The following CPT1A variants were observed in gnomAD, a reference collection of about 807,000 sequenced individuals.
The protein encoded by CPT1A is carnitine palmitoyltransferase 1A.
CPT1A carries 64 observed loss-of-function variants against 100.8 expected under a neutral mutation model. The ratio of observed to expected loss-of-function variants is 0.63; its 90% CI spans 0.52 to 0.78. CPT1A has a LOEUF of 0.78. CPT1A is among the 30% of genes least tolerant of loss of function. The pLI, the probability that CPT1A is intolerant of heterozygous loss-of-function variation, is 0.00. For synonymous variants in CPT1A, 363 were observed against 396.0 expected (o/e 0.92, Z 0.99); for missense variants, 802 against 1,034.1 (o/e 0.78, Z 3.08).
intron 12 of CPT1A, among the ~76,000 whole-genome samples, chr11:68,780,372 T>A (rs1322918591): frequency 6.6e-6 from 1 of 152,206 alleles, no homozygotes; most frequent in Non-Finnish European, 1.5e-5. Context: ...AACCTCTGTC[T>A]CCCGGGTTCA....
In CPT1A at chr11:68,760,871, A is replaced by G. The variant is rs551920197; in HGVS notation, c.2029-533T>C. Among the ~76,000 whole-genome samples, 30 of 149,930 alleles carry G rather than the reference A, an allele frequency of 2.0e-4. No individual in the cohort carries two copies. In the South Asian group the frequency reaches 6.0e-3, roughly 30 times the overall value. ...CTACTAAAATACAACAACAAAAAAA[A>G]TTAGCCAGGCATGGCAGCGTGTGCC... is the stretch of plus-strand genomic sequence containing the variant. On this transcript the variant is annotated intron_variant, in intron 16 of 18. Coordinates refer to ENST00000265641, the MANE Select transcript of CPT1A (RefSeq NM_001876.4).
intron 1 of CPT1A, among the ~76,000 whole-genome samples, chr11:68,827,228 G>A (rs778290199): frequency 3.9e-5 from 6 of 152,112 alleles, no homozygotes; most frequent in African/African-American, 7.2e-5. Context: ...AGCTACTTGG[G>A]AGGCTGAAGG....
intron 1 of CPT1A, among the ~76,000 whole-genome samples, chr11:68,816,666 C>T (rs1856399295): frequency 6.6e-6 from 1 of 152,184 alleles, no homozygotes; most frequent in Non-Finnish European, 1.5e-5. Context: ...TCCACCTCCT[C>T]CCAAGCTGCC....
intron 1 of CPT1A, among the ~76,000 whole-genome samples, chr11:68,832,698 C>T (rs1265344148): frequency 6.6e-6 from 1 of 152,254 alleles, no homozygotes; most frequent in Non-Finnish European, 1.5e-5. Context: ...ATGCTGCAGT[C>T]TTCCCACTAG....
chr11:68,804,621 C>A (rs1423012114), intron 4 of CPT1A, among the ~76,000 whole-genome samples: 1 of 152,190 alleles, frequency 6.6e-6, no homozygotes, highest in Non-Finnish European at 1.5e-5. Flanking sequence ...AACCAAAAAA[C>A]CAGGTAGAAT....
At chr11:68,841,989 C>T (rs1857172131), upstream of CPT1A, 2 of 984,734 alleles carry the variant, frequency 2.0e-6, no homozygotes, top group African/African-American at 1.7e-5. The surrounding 1 kb of genome is among the most constrained non-coding windows in gnomAD (Gnocchi z 6.3). Flanking sequence ...CCCGGGGCCT[C>T]GGCGGGGCGG....
intron 14 of CPT1A, 123 bp downstream of exon 14, chr11:68,773,142 G>C (rs896575806): frequency 1.4e-5 from 22 of 1,527,398 alleles, no homozygotes; most frequent in Non-Finnish European, 1.8e-5. Flanking sequence ...ACCGGGGTCG[G>C]GGGGAGCTGT....
chr11:68,806,511 C>T (rs1034530824), intron 4 of CPT1A, among the ~76,000 whole-genome samples: 1 of 151,850 alleles, frequency 6.6e-6, no homozygotes, highest in African/African-American at 2.4e-5. Flanking sequence ...ACCTATAGTT[C>T]CAGCTACTCA....
At chr11:68,763,255 A>G (rs1485521045) in intron 14 of CPT1A, among the ~76,000 whole-genome samples, 1 of 152,062 alleles carries the variant, frequency 6.6e-6, no homozygotes, top group Non-Finnish European at 1.5e-5. Flanking sequence ...GAGGTGGGTC[A>G]GTTTCTAGGT....
At chr11:68,786,039 G>C (rs1284979880) in intron 9 of CPT1A, 2 of 702,326 alleles carry the variant, frequency 2.8e-6, no homozygotes, top group Non-Finnish European at 5.2e-6. Context: ...AGATCGTCTA[G>C]TGAGGAAGAC....
chr11:68,842,440 A>T (rs956094176), upstream of CPT1A, among the ~76,000 whole-genome samples: 11 of 146,626 alleles, frequency 7.5e-5, no homozygotes, highest in African/African-American at 2.5e-4. Context: ...CCCCGTCTCT[A>T]AAAAAAAAAG....
At chr11:68,779,462 A>T (rs1855237530) in intron 12 of CPT1A, among the ~76,000 whole-genome samples, 1 of 144,016 alleles carries the variant, frequency 6.9e-6, no homozygotes, top group Admixed American at 7.6e-5. Context: ...AACACGGAAC[A>T]GGTCAAACAG....
chr11:68,773,662 G>A, intron 13 of CPT1A: 1 of 568,184 alleles, frequency 1.8e-6, no homozygotes, highest in Admixed American at 3.1e-5. Context: ...CAGGCCAGGA[G>A]AGGGCTTCCT....
chr11:68,773,568 G>A lies in CPT1A; in HGVS notation c.1576-139C>T, dbSNP rs1251032825. ...AGTACACAAACGTTTTCCTGACCCAGAAGCCCTAGTAAGTTAGGGGCATGG... is the reference window on the plus strand; with the variant it reads ...AGTACACAAACGTTTTCCTGACCCAAAAGCCCTAGTAAGTTAGGGGCATGG... On this transcript the variant is annotated intron_variant, in intron 13 of 18. Transcript: ENST00000265641. 10 of 1,488,554 alleles carry A rather than the reference G, an allele frequency of 6.7e-6. No homozygotes were observed. In the East Asian group the frequency reaches 2.5e-4, roughly 37 times the overall value. The allele number at this position is 1,488,554 out of a possible 1,614,324, so 92.2% of individuals were successfully genotyped here.
intron 9 of CPT1A, among the ~76,000 whole-genome samples, chr11:68,788,827 G>T (rs1436982971): frequency 6.6e-6 from 1 of 152,058 alleles, no homozygotes; most frequent in Non-Finnish European, 1.5e-5. Context: ...AAGGGAAAAG[G>T]GTATTTTATA....
chr11:68,844,067 C>G (rs1857205973), upstream of CPT1A: 1 of 152,284 alleles, frequency 6.6e-6, no homozygotes, highest in African/African-American at 2.4e-5. Context: ...CCCTGCGCGC[C>G]GCCTAGGTGC....
chr11:68,768,808 G>A (rs1326211544), intron 14 of CPT1A, among the ~76,000 whole-genome samples: 3 of 152,122 alleles, frequency 2.0e-5, no homozygotes, highest in Non-Finnish European at 4.4e-5. Flanking sequence ...CTTCCCCGAT[G>A]CATGTTTCCA....
rs907655340 is a variant in CPT1A at position 68,784,937 on chromosome 11, G to A, written c.1041C>T (p.Leu347=). ...YHRGRYFKVW[L]YHDGRLLKPR... ...GCTTCAGCAGCCGCCCATCATGGTA[G>A]AGCCAGACCTTGAAGTAGCGTCCTC... Residue 347 remains leucine (L), a synonymous_variant, in exon 10 of 19, where the codon CTC becomes CTT. Coordinates refer to ENST00000265641, the MANE Select transcript of CPT1A (RefSeq NM_001876.4). 30 of 1,614,124 alleles carry A rather than the reference G, an allele frequency of 1.9e-5. No homozygotes were observed. Among genetic ancestry groups the A allele is most frequent in the Non-Finnish European group, 2.5e-5 (29 of 1,180,028 alleles).
intron 4 of CPT1A, among the ~76,000 whole-genome samples, chr11:68,806,201 G>T (rs1218833787): frequency 6.6e-6 from 1 of 151,918 alleles, no homozygotes; most frequent in Non-Finnish European, 1.5e-5. Flanking sequence ...GCTAATTTTT[G>T]TATTTTTAGT....
Sources: allele counts gnomAD v4.1 joint callset (sites outside exome capture counted in the v4.1 genomes callset), GRCh38; gene constraint gnomAD v4.1.1; non-coding constraint Gnocchi (gnomAD v3.1); transcripts MANE v1.5; gene names NCBI Gene and HGNC (gene_info 2026-07-23, HGNC 2026-07-21).